Variants in FAT4 observed in about 807,000 individuals in gnomAD.
The protein encoded by FAT4 is FAT atypical cadherin 4.
FAT4 carries 84 observed loss-of-function variants against 303.9 expected under a neutral mutation model. The observed-to-expected ratio is 0.28, with a 90% CI of 0.23 to 0.33. The LOEUF is 0.33. FAT4 is among the 10% of genes least tolerant of loss of function. The probability of loss-of-function intolerance (pLI) is 1.00; values close to 1 mark genes in which losing one functional copy is unlikely to be tolerated. For missense variants in FAT4, 6,005 were observed against 6,146.8 expected (o/e 0.98, Z 0.77); for synonymous variants, 2,307 against 2,298.8 (o/e 1.00, Z -0.10).
chr4:125,344,437 C>T (rs1436803870), intron 2 of FAT4, among the ~76,000 whole-genome samples: 4 of 152,110 alleles, frequency 2.6e-5, no homozygotes, highest in South Asian at 4.1e-4. Context: ...GAGGCTTTAA[C>T]GACCAGAAAA....
At chr4:125,434,847 C>G (rs1207582680) in intron 8 of FAT4, among the ~76,000 whole-genome samples, 3 of 152,128 alleles carry the variant, frequency 2.0e-5, no homozygotes, top group South Asian at 2.1e-4. Context: ...CAAGTAGTCT[C>G]AGAACTTCCT....
At position 125,356,471 on chromosome 4, in the gene FAT4, G is replaced by T. The variant is rs1463625167; in HGVS notation, c.5175+34885G>T. Among the ~76,000 whole-genome samples the T allele has an allele frequency of 2.0e-5, 3 of 150,888 alleles. No homozygotes were observed. In the South Asian group the frequency reaches 6.3e-4, roughly 32 times the overall value. On this transcript the variant is annotated intron_variant, in intron 2 of 17. Transcript: ENST00000394329. ...TTGACTAGCTAAAGAAATATAAAAA[G>T]AAGTTTTCTACATATGCAGATCATT...
Position 125,319,381 on chromosome 4 carries a change from T to G in FAT4, c.2970T>G (p.Asn990Lys), listed in dbSNP as rs531356206. ...VILTVYVHDV[N>K]DNSPVFDQLS... ...TAACAGTTTATGTCCATGATGTAAA[T>G]GACAATTCACCAGTGTTTGACCAAC... Residue 990 changes from asparagine (N) to lysine (K), a missense_variant, in exon 2 of 18, where the codon AAT (asparagine) becomes AAG (lysine). Physicochemically the swap from Asn to Lys is moderately conservative, Grantham distance 94. Transcript: ENST00000394329. The G allele has an allele frequency of 6.2e-7, 1 of 1,612,932 alleles. No homozygotes were observed. The highest frequency in any genetic ancestry group is 1.3e-5 in the African/African-American group (1 of 74,918).
intron 11 of FAT4, among the ~76,000 whole-genome samples, chr4:125,465,063 A>G (rs1182894745): frequency 6.6e-6 from 1 of 152,228 alleles, no homozygotes; most frequent in Non-Finnish European, 1.5e-5. Context: ...CAAACAAAAT[A>G]GAAAAATATC....
chr4:125,353,641 T>C (rs1384147972), intron 2 of FAT4, among the ~76,000 whole-genome samples: 2 of 151,668 alleles, frequency 1.3e-5, no homozygotes, highest in Non-Finnish European at 1.5e-5. Flanking sequence ...TACATACATA[T>C]ATGTATTATA....
chr4:125,411,315 A>G (rs1734828624), intron 5 of FAT4, among the ~76,000 whole-genome samples: 1 of 151,996 alleles, frequency 6.6e-6, no homozygotes, highest in Non-Finnish European at 1.5e-5. Context: ...CAAGACTACT[A>G]AGCATGCGGT....
intron 7 of FAT4, among the ~76,000 whole-genome samples, chr4:125,421,748 G>A (rs1172014206): frequency 6.6e-6 from 1 of 152,098 alleles, no homozygotes; most frequent in Non-Finnish European, 1.5e-5. Flanking sequence ...AGATGAGCCA[G>A]TCCACTTCCT....
rs1190049566 is a variant in FAT4 at position 125,416,527 on chromosome 4, T to C, written c.6923T>C (p.Phe2308Ser). ...VLFGGNEDNAFTLSASGELGV... is the reference protein window; with the variant it reads ...VLFGGNEDNASTLSASGELGV... ...TTTGGTGGTAATGAAGACAATGCTT[T>C]TACTCTCTCAGCCAGTGGAGAACTT... The change falls in exon 7 of 18, where the codon TTT becomes TCT. Residue 2308 changes from phenylalanine to serine, a missense_variant. Phe to Ser is a radical substitution (Grantham distance 155, BLOSUM62 -2). Transcript: ENST00000394329. 2 of 1,614,064 alleles carry C rather than the reference T, an allele frequency of 1.2e-6. No individual in the cohort carries two copies. The highest frequency in any genetic ancestry group is 1.7e-6 in the Non-Finnish European group (2 of 1,179,946).
At chr4:125,327,220 G>A (rs531468379) in intron 2 of FAT4, among the ~76,000 whole-genome samples, 1 of 152,118 alleles carries the variant, frequency 6.6e-6, no homozygotes, top group East Asian at 1.9e-4. Flanking sequence ...TTGAGAGAAG[G>A]GAGCTGAAGG....
chr4:125,358,252 G>A (rs1015777237), intron 2 of FAT4, among the ~76,000 whole-genome samples: 2 of 151,978 alleles, frequency 1.3e-5, no homozygotes, highest in Non-Finnish European at 2.9e-5. Context: ...CAACCTTTTT[G>A]GCACCAGGGA....
intron 7 of FAT4, among the ~76,000 whole-genome samples, chr4:125,427,961 T>A (rs993495392): frequency 1.3e-5 from 2 of 152,228 alleles, no homozygotes; most frequent in Non-Finnish European, 2.9e-5. Flanking sequence ...GTGTATATTC[T>A]GATAGAGCAG....
Position 125,452,722 on chromosome 4 carries a change from T to C in FAT4, c.11712T>C (p.Asn3904=), listed in dbSNP as rs1160830355. 2 of 1,614,150 alleles carry C rather than the reference T, an allele frequency of 1.2e-6. No individual in the cohort carries two copies. Among genetic ancestry groups the C allele is most frequent in the South Asian group, 2.2e-5 (2 of 91,086 alleles). The change falls in exon 10 of 18, where the codon AAT becomes AAC. Residue 3904 remains asparagine, a synonymous_variant. Coordinates refer to ENST00000394329, the MANE Select transcript of FAT4 (RefSeq NM_001291303.3). ...FTGRACERDI[N]ECLQSPCKNG... ...GTAGGGCGTGTGAGAGAGATATCAATGAGTGCCTGCAGAGTCCTTGCAAGA... is the reference window on the plus strand; with the variant it reads ...GTAGGGCGTGTGAGAGAGATATCAACGAGTGCCTGCAGAGTCCTTGCAAGA...
Position 125,451,653 on chromosome 4 carries a change from A to G in FAT4, c.10643A>G (p.Tyr3548Cys), listed in dbSNP as rs79726583. The change falls in exon 10 of 18, where the codon TAT (tyrosine) becomes TGT (cysteine). Residue 3548 changes from tyrosine (Y) to cysteine (C), a missense_variant. Coordinates refer to ENST00000394329, the MANE Select transcript of FAT4 (RefSeq NM_001291303.3). Reference sequence around the variant, plus strand: ...CCTCCAAATCAAGGTCCCTTTACTTATTACTTGCTGAGCACAGGTCCTGCC... The same window carrying G: ...CCTCCAAATCAAGGTCCCTTTACTTGTTACTTGCTGAGCACAGGTCCTGCC... ...DLPPNQGPFT[Y>C]YLLSTGPATS... is the part of the protein sequence containing the mutation. 38 of 1,614,144 alleles carry G rather than the reference A, an allele frequency of 2.4e-5. No individual in the cohort carries two copies. In the African/African-American group the frequency reaches 5.1e-4, roughly 22 times the overall value.
At chr4:125,434,610 C>T (rs1008388770) in intron 8 of FAT4, among the ~76,000 whole-genome samples, 185 bp downstream of exon 8, 3 of 152,158 alleles carry the variant, frequency 2.0e-5, no homozygotes, top group African/African-American at 7.2e-5. Context: ...TTACTTATTA[C>T]TCTAAGATTT....
At chr4:125,418,910 A>G (rs1735174955) in intron 7 of FAT4, among the ~76,000 whole-genome samples, 1 of 127,554 alleles carries the variant, frequency 7.8e-6, no homozygotes, top group East Asian at 2.3e-4. Flanking sequence ...TAAATAAAAT[A>G]ATGTTTTAAA....
intron 7 of FAT4, among the ~76,000 whole-genome samples, chr4:125,424,809 T>C (rs1001270570): frequency 1.3e-5 from 2 of 152,002 alleles, no homozygotes; most frequent in Non-Finnish European, 2.9e-5. Flanking sequence ...GGCGAGAGAG[T>C]GTTAAGTACT....
At position 125,452,607 on chromosome 4, in the gene FAT4, A is replaced by G. The variant is rs761053461; in HGVS notation, c.11597A>G (p.Asp3866Gly). ...GGTAGCTGGTGTGAAATAGATATAG[A>G]TGAATGTCTTCCATCACCTTGCCAC... ...YAGSWCEIDI[D>G]ECLPSPCHSG... is the part of the protein sequence containing the mutation. The change falls in exon 10 of 18, where the codon GAT becomes GGT. Residue 3866 changes from aspartate to glycine, a missense_variant. Asp to Gly is a moderately conservative substitution (Grantham distance 94). Transcript: ENST00000394329. 6.2e-7 allele frequency: 1 copy of G among 1,614,166 alleles called. No homozygotes were observed. Among genetic ancestry groups the G allele is most frequent in the Non-Finnish European group, 8.5e-7 (1 of 1,180,032 alleles).
At chr4:125,385,180 C>T (rs1733696440) in intron 2 of FAT4, among the ~76,000 whole-genome samples, 1 of 151,638 alleles carries the variant, frequency 6.6e-6, no homozygotes, top group African/African-American at 2.4e-5. Flanking sequence ...CGCCACCACA[C>T]CTGGCTAATT....
At chr4:125,466,322 A>G (rs1422862548) in intron 11 of FAT4, among the ~76,000 whole-genome samples, 1 of 152,118 alleles carries the variant, frequency 6.6e-6, no homozygotes, top group Non-Finnish European at 1.5e-5. Flanking sequence ...TTTGAATTAA[A>G]ATGTAAGTAT....
Sources: allele counts gnomAD v4.1 joint callset (sites outside exome capture counted in the v4.1 genomes callset), GRCh38; gene constraint gnomAD v4.1.1; transcripts MANE v1.5; gene names NCBI Gene and HGNC (gene_info 2026-07-23, HGNC 2026-07-21).